The following SELENOF variants were observed in gnomAD, a reference collection of about 807,000 sequenced individuals.
The protein encoded by SELENOF is selenoprotein F.
In SELENOF, 16 loss-of-function variants were observed where a neutral mutation model predicts 20.5. The ratio of observed to expected loss-of-function variants is 0.78; its 90% confidence interval spans 0.53 to 1.19. SELENOF has a LOEUF of 1.19. Among genes scored for constraint, SELENOF ranks in the 50% most tolerant of loss-of-function variants. SELENOF has a pLI of 0.00. For synonymous variants in SELENOF, 78 were observed against 74.5 expected (o/e 1.05, Z -0.24); for missense variants, 215 against 194.2 (o/e 1.11, Z -0.64).
intron 2 of SELENOF, among the ~76,000 whole-genome samples, chr1:86,893,082 G>C (rs1659429633): frequency 6.6e-6 from 1 of 152,170 alleles, no homozygotes; most frequent in Non-Finnish European, 1.5e-5. Flanking sequence ...CTAATCGCCA[G>C]TTAACGGTAG....
intron 2 of SELENOF, among the ~76,000 whole-genome samples, chr1:86,896,870 G>T (rs1295210237): frequency 6.6e-6 from 1 of 152,182 alleles, no homozygotes; most frequent in African/African-American, 2.4e-5. Flanking sequence ...AAGTAGCTAT[G>T]AAGTTATGTA....
chr1:86,894,372 T>C (rs1234120503), intron 2 of SELENOF, among the ~76,000 whole-genome samples: 4 of 152,142 alleles, frequency 2.6e-5, no homozygotes, highest in African/African-American at 4.8e-5. Context: ...TACAAACATA[T>C]AGCTCAATTT....
chr1:86,866,244 G>C (rs1451033656), intron 4 of SELENOF, among the ~76,000 whole-genome samples: 3 of 145,990 alleles, frequency 2.1e-5, no homozygotes, highest in Admixed American at 6.8e-5. Context: ...GTGTGTGTGT[G>C]TGTGTGTGTG....
intron 3 of SELENOF, among the ~76,000 whole-genome samples, chr1:86,872,925 G>A (rs922328825): frequency 8.5e-5 from 13 of 152,088 alleles, no homozygotes; most frequent in Admixed American, 6.5e-4. Context: ...CCTGTAGCGC[G>A]GCTACTCCGG....
intron 1 of SELENOF, among the ~76,000 whole-genome samples, chr1:86,910,715 A>G (rs1389605531): frequency 6.6e-6 from 1 of 152,014 alleles, no homozygotes; most frequent in Admixed American, 6.6e-5. Flanking sequence ...AAAAAAAAAA[A>G]AAAAAAGGTT....
intron 1 of SELENOF, among the ~76,000 whole-genome samples, chr1:86,905,625 TTC>T (rs1279869267): frequency 7.9e-5 from 12 of 152,198 alleles, no homozygotes; most frequent in Non-Finnish European, 1.8e-4. Context: ...ATTAAGTTGT[TTC>T]TCTGTCTTTC....
chr1:86,898,762 TTTTTTG>T (rs1374257435), intron 2 of SELENOF, among the ~76,000 whole-genome samples: 2 of 141,186 alleles, frequency 1.4e-5, no homozygotes, highest in African/African-American at 5.5e-5. Context: ...TTTGTATTTT[TTTTTTG>T]TTTGTTTGTT....
intron 3 of SELENOF, among the ~76,000 whole-genome samples, chr1:86,875,086 A>C (rs890725620): frequency 2.0e-5 from 3 of 152,060 alleles, no homozygotes; most frequent in Non-Finnish European, 4.4e-5. Flanking sequence ...TACACACACA[A>C]AAAAGTTAGC....
chr1:86,896,101 G>A (rs1032440576), intron 2 of SELENOF, among the ~76,000 whole-genome samples: 1 of 152,066 alleles, frequency 6.6e-6, no homozygotes, highest in Non-Finnish European at 1.5e-5. Context: ...GTTGGCAGGT[G>A]CCTGGAATCC....
chr1:86,894,839 A>AAACAACAAC (rs371203807), intron 2 of SELENOF, among the ~76,000 whole-genome samples: 7 of 151,960 alleles, frequency 4.6e-5, no homozygotes, highest in Admixed American at 1.3e-4. Context: ...CCTATCTCTA[A>AAACAACAAC]AACAACAACA....
intron 4 of SELENOF, 37 bp downstream of exon 4, chr1:86,868,016 G>C (rs2102069819): frequency 1.0e-6 from 1 of 1,001,564 alleles, no homozygotes; most frequent in Admixed American, 2.8e-5. Flanking sequence ...AAGAAATTAA[G>C]GCTGGAAAAA....
At chr1:86,868,285 A>C (rs1658665885) in intron 3 of SELENOF, among the ~76,000 whole-genome samples, 183 bp from the exon 4 acceptor site, 1 of 152,220 alleles carries the variant, frequency 6.6e-6, no homozygotes, top group Non-Finnish European at 1.5e-5. Context: ...ATTTTAAGAC[A>C]CTAATTGTTT....
At position 86,882,649 on chromosome 1, in the gene SELENOF, C is replaced by T. The variant is rs180720759; in HGVS notation, c.253-1924G>A. ...TACCATATGATCTGCAATTCTACTT[C>T]TGGGTATATACTCAAAAGAAGTGAA... On this transcript the variant is annotated intron_variant, in intron 2 of 4. Transcript: ENST00000331835. Among the ~76,000 whole-genome samples, 6 of 152,282 alleles carry T rather than the reference C, an allele frequency of 3.9e-5. No individual in the cohort carries two copies. In the East Asian group the frequency reaches 9.6e-4, roughly 24 times the overall value.
chr1:86,867,865 A>G (rs568137049), intron 4 of SELENOF, among the ~76,000 whole-genome samples, 188 bp downstream of exon 4: 22 of 152,280 alleles, frequency 1.4e-4, no homozygotes, highest in African/African-American at 4.1e-4. Flanking sequence ...TCATAAACCT[A>G]AAAGTGCTCT....
chr1:86,904,038 A>G (rs776837859), intron 1 of SELENOF, among the ~76,000 whole-genome samples: 15 of 152,256 alleles, frequency 9.9e-5, no homozygotes, highest in Admixed American at 1.3e-4. Context: ...TATCACATAA[A>G]TATTTTCTTA....
chr1:86,879,239 G>A (rs906408039), intron 3 of SELENOF, among the ~76,000 whole-genome samples: 2 of 152,136 alleles, frequency 1.3e-5, no homozygotes, highest in Admixed American at 6.6e-5. Context: ...CTATCATTCA[G>A]AGAATGGATA....
Position 86,903,327 on chromosome 1 carries a change from T to C in SELENOF, c.206A>G (p.Asp69Gly). 2 of 1,612,246 alleles carry C rather than the reference T, an allele frequency of 1.2e-6. No individual in the cohort carries two copies. The highest frequency in any genetic ancestry group is 1.7e-6 in the Non-Finnish European group (2 of 1,179,164). Residue 69 changes from aspartate to glycine, a missense_variant, in exon 2 of 5, where the codon GAT becomes GGT. Coordinates refer to ENST00000331835, the MANE Select transcript of SELENOF (RefSeq NM_004261.5). ...GQFNLLQLDP[D>G]CRGCCQEEAQ... ...TTCCTCCTGACAGCATCCTCTGCAA[T>C]CAGGATCCAGCTGAAGCAGGTTGAA...
At chr1:86,901,015 C>A (rs771898283) in intron 2 of SELENOF, among the ~76,000 whole-genome samples, 1 of 152,134 alleles carries the variant, frequency 6.6e-6, no homozygotes, top group Non-Finnish European at 1.5e-5. Flanking sequence ...ACCTCAGGCT[C>A]CTGAGTAGCT....
At chr1:86,903,858 G>T (rs1221027944) in intron 1 of SELENOF, among the ~76,000 whole-genome samples, 1 of 152,152 alleles carries the variant, frequency 6.6e-6, no homozygotes, top group Non-Finnish European at 1.5e-5. Flanking sequence ...GGGATTACAG[G>T]CATGAGCCAC....
Sources: gnomAD v4.1 joint callset for allele counts (sites outside exome capture counted in the v4.1 genomes callset) on GRCh38, gnomAD v4.1.1 for gene constraint, MANE v1.5 for transcripts, NCBI Gene and HGNC (gene_info 2026-07-23, HGNC 2026-07-21) for gene names.